The following C12orf42 variants were observed in gnomAD, a reference collection of about 807,000 sequenced individuals.
The protein encoded by C12orf42 is uncharacterized protein C12orf42.
Under a neutral mutation model 21.6 loss-of-function variants are expected in C12orf42, and 25 were observed. The observed-to-expected ratio is 1.16, with a 90% confidence interval of 0.84 to 1.62. C12orf42 has a LOEUF of 1.62. Among genes scored for constraint, C12orf42 ranks in the 40% most tolerant of loss-of-function variants. The pLI is 0.00. For missense variants in C12orf42, 483 were observed against 459.3 expected (o/e 1.05, Z -0.47); for synonymous variants, 174 against 175.0 (o/e 0.99, Z 0.05).
chr12:103,305,889 A>G, intron 5 of C12orf42, 85 bp downstream of exon 5: 2 of 1,459,596 alleles, frequency 1.4e-6, no homozygotes, highest in Non-Finnish European at 1.8e-6. Context: ...CATGAAGTCA[A>G]TATTTTTTCT....
At chr12:103,292,684 A>G (rs1486104695) in intron 4 of C12orf42, among the ~76,000 whole-genome samples, 1 of 152,222 alleles carries the variant, frequency 6.6e-6, no homozygotes, top group East Asian at 1.9e-4. Flanking sequence ...TGCTTTAGAA[A>G]AGAGTATTGC....
chr12:103,452,386 TA>T (rs1952004552), intron 2 of C12orf42, among the ~76,000 whole-genome samples: 1 of 151,984 alleles, frequency 6.6e-6, no homozygotes, highest in Non-Finnish European at 1.5e-5. Flanking sequence ...ACATAAATCA[TA>T]AAACTGAGTC....
chr12:103,156,631 C>A, the C12orf42 span, among the ~76,000 whole-genome samples: 1,483 of 152,156 alleles, frequency 9.7e-3, 4 homozygotes, highest in Non-Finnish European at 0.014. Flanking sequence ...TCCTCTCATC[C>A]CCGACCCCAC....
At chr12:103,136,108 T>C in the C12orf42 span, among the ~76,000 whole-genome samples, 3 of 152,182 alleles carry the variant, frequency 2.0e-5, no homozygotes, top group African/African-American at 7.2e-5. Flanking sequence ...AGTCAAATTA[T>C]TCCTCTTTGC....
At chr12:103,243,601 T>C (rs2033860555) in intron 10 of C12orf42, among the ~76,000 whole-genome samples, 2 of 152,176 alleles carry the variant, frequency 1.3e-5, no homozygotes, top group Admixed American at 1.3e-4. Flanking sequence ...TAATTATACA[T>C]TTAATGATTG....
At chr12:103,270,728 C>T (rs565725569) in intron 5 of C12orf42, among the ~76,000 whole-genome samples, 1 of 143,108 alleles carries the variant, frequency 7.0e-6, no homozygotes, top group Non-Finnish European at 1.6e-5. Flanking sequence ...TCCCTCCCCC[C>T]TCCCCCTACC....
chr12:103,209,906 C>G, the C12orf42 span, among the ~76,000 whole-genome samples: 2 of 152,120 alleles, frequency 1.3e-5, no homozygotes, highest in African/African-American at 4.8e-5. Flanking sequence ...TTAAATTTTG[C>G]TTTGATCAAA....
chr12:103,143,343 A>C, the C12orf42 span, among the ~76,000 whole-genome samples: 1 of 152,356 alleles, frequency 6.6e-6, no homozygotes, highest in African/African-American at 2.4e-5. Context: ...TTATAAAAGC[A>C]AAATCTGGCA....
intron 3 of C12orf42, among the ~76,000 whole-genome samples, chr12:103,398,248 T>C (rs539707700): frequency 6.6e-6 from 1 of 152,324 alleles, no homozygotes; most frequent in Non-Finnish European, 1.5e-5. Flanking sequence ...ACAGTTTTTA[T>C]CTGCATTTCC....
intron 1 of C12orf42, among the ~76,000 whole-genome samples, chr12:103,487,880 G>T (rs1434511449): frequency 1.3e-5 from 2 of 152,094 alleles, no homozygotes; most frequent in Non-Finnish European, 2.9e-5. Flanking sequence ...CCTGAATACA[G>T]CACACTAATG....
chr12:103,400,964 G>T (rs1235362855), intron 3 of C12orf42, among the ~76,000 whole-genome samples: 1 of 152,122 alleles, frequency 6.6e-6, no homozygotes, highest in Non-Finnish European at 1.5e-5. Context: ...TGGCTGAAAG[G>T]TTCTTTTTAT....
chr12:103,553,976 A>T, the C12orf42 span, among the ~76,000 whole-genome samples: 2 of 152,182 alleles, frequency 1.3e-5, no homozygotes, highest in Non-Finnish European at 2.9e-5. Context: ...TCAGAAACAG[A>T]CTAGCCTAGG....
At chr12:103,555,616 G>T in the C12orf42 span, among the ~76,000 whole-genome samples, 1 of 152,090 alleles carries the variant, frequency 6.6e-6, no homozygotes, top group Non-Finnish European at 1.5e-5. Flanking sequence ...CTAGCAGCAT[G>T]GGCATCTCCT....
the C12orf42 span, among the ~76,000 whole-genome samples, chr12:103,133,740 T>C: frequency 6.6e-6 from 1 of 152,284 alleles, no homozygotes; most frequent in African/African-American, 2.4e-5. Flanking sequence ...GTAGTTTCCG[T>C]AATCCCCACG....
intron 4 of C12orf42, among the ~76,000 whole-genome samples, chr12:103,309,602 T>C (rs866046459): frequency 6.6e-6 from 1 of 151,920 alleles, no homozygotes; most frequent in African/African-American, 2.4e-5. Context: ...ATCGTAATCA[T>C]TAATACCAGC....
chr12:103,558,992 C>T, the C12orf42 span: 2 of 152,146 alleles, frequency 1.3e-5, no homozygotes, highest in Non-Finnish European at 2.9e-5. Flanking sequence ...GTTGTTCAAA[C>T]CCTGCACATT....
the C12orf42 span, among the ~76,000 whole-genome samples, chr12:103,231,683 ATGTATCGGTC>A: frequency 6.6e-6 from 1 of 151,968 alleles, no homozygotes; most frequent in African/African-American, 2.4e-5. Flanking sequence ...CATTGTCTGG[ATGTATCGGTC>A]TGTTTATCTG....
At chr12:103,506,424 A>G in the C12orf42 span, among the ~76,000 whole-genome samples, 15 of 151,672 alleles carry the variant, frequency 9.9e-5, no homozygotes, top group Non-Finnish European at 1.6e-4. Context: ...GTTTTGGTCA[A>G]TATCGGGTTG....
intron 3 of C12orf42, among the ~76,000 whole-genome samples, chr12:103,372,328 C>T (rs766198937): frequency 6.6e-6 from 1 of 152,164 alleles, no homozygotes; most frequent in Non-Finnish European, 1.5e-5. Context: ...AACAGTGGTT[C>T]TCAAACTGCA....
Sources: gnomAD v4.1 joint callset for allele counts (sites outside exome capture counted in the v4.1 genomes callset) on GRCh38, gnomAD v4.1.1 for gene constraint, MANE v1.5 for transcripts, NCBI Gene and HGNC (gene_info 2026-07-23, HGNC 2026-07-21) for gene names.